The following DAB1 variants were observed in gnomAD, a reference collection of about 807,000 sequenced individuals.
DAB1 encodes disabled homolog 1.
DAB1 carries 15 observed loss-of-function variants against 64.6 expected under a neutral mutation model. The observed-to-expected ratio is 0.23, with a 90% CI of 0.16 to 0.36. DAB1 has a LOEUF of 0.36. DAB1 is among the 10% of genes least tolerant of loss of function. The pLI, the probability that DAB1 is intolerant of heterozygous loss-of-function variation, is 1.00. For missense variants in DAB1, 596 were observed against 706.7 expected, an observed-to-expected ratio of 0.84 and a Z score of 1.78; for synonymous variants, 235 against 251.9, an observed-to-expected ratio of 0.93 and a Z score of 0.64.
Position 57,238,740 on chromosome 1 carries a change from T to G in DAB1, c.67+52224A>C, listed in dbSNP as rs921223819. Among the ~76,000 whole-genome samples, 4 of 152,108 alleles carry G rather than the reference T, an allele frequency of 2.6e-5. No individual in the cohort carries two copies. In the East Asian group the frequency reaches 5.8e-4, roughly 22 times the overall value. ...AGAAATATAAGTGAACAACAATCCA[T>G]GTACAATGACTGGAAATAGTTCTAT... On this transcript the variant is annotated intron_variant, in intron 2 of 14. Transcript: ENST00000371236.
chr1:58,426,072 T>G (rs1644819353), intron 3 of DAB1, among the ~76,000 whole-genome samples: 1 of 152,170 alleles, frequency 6.6e-6, no homozygotes, highest in South Asian at 2.1e-4. Flanking sequence ...GCAAGGCACT[T>G]TGCCACATCT....
chr1:58,256,420 T>C (rs1660930791), intron 4 of DAB1, among the ~76,000 whole-genome samples: 1 of 152,208 alleles, frequency 6.6e-6, no homozygotes, highest in South Asian at 2.1e-4. Flanking sequence ...TATAGGCTTC[T>C]GGCAGAACTA....
At chr1:57,526,393 G>A (rs551001843) in intron 7 of DAB1, among the ~76,000 whole-genome samples, 1 of 152,310 alleles carries the variant, frequency 6.6e-6, no homozygotes, top group South Asian at 2.1e-4. Flanking sequence ...TGAAATATCT[G>A]AGAGGGCTGT....
chr1:57,439,668 C>G (rs573042448), intron 7 of DAB1, among the ~76,000 whole-genome samples: 2 of 143,136 alleles, frequency 1.4e-5, no homozygotes, highest in Admixed American at 6.8e-5. Flanking sequence ...ACCTCATGAT[C>G]TGCCTGCCTC....
intron 1 of DAB1, among the ~76,000 whole-genome samples, chr1:57,358,550 C>T (rs1437752412): frequency 6.6e-6 from 1 of 151,878 alleles, no homozygotes; most frequent in Non-Finnish European, 1.5e-5. Flanking sequence ...GTTAAAATGA[C>T]CATACTATCC....
chr1:57,434,165 T>C (rs955333774), intron 7 of DAB1, among the ~76,000 whole-genome samples: 2 of 152,124 alleles, frequency 1.3e-5, no homozygotes, highest in Admixed American at 1.3e-4. Flanking sequence ...AAATAAAACA[T>C]ATATACACAC....
chr1:57,510,746 A>G (rs1379074723), intron 7 of DAB1, among the ~76,000 whole-genome samples: 1 of 152,000 alleles, frequency 6.6e-6, no homozygotes, highest in Non-Finnish European at 1.5e-5. Context: ...ATCAAGCTCT[A>G]TTTGTTAAAC....
intron 2 of DAB1, among the ~76,000 whole-genome samples, chr1:57,203,480 G>C (rs554373625): frequency 1.5e-3 from 228 of 152,284 alleles, no homozygotes; most frequent in Admixed American, 3.7e-3. Context: ...GTGGCCCACA[G>C]ACTAGCTGCC....
intron 4 of DAB1, among the ~76,000 whole-genome samples, chr1:58,279,654 G>T (rs1336392291): frequency 6.6e-6 from 1 of 152,110 alleles, no homozygotes; most frequent in Non-Finnish European, 1.5e-5. Context: ...ACTGTACCAA[G>T]TCCCTTCAAG....
At chr1:57,644,989 C>T (rs966908568) in intron 7 of DAB1, among the ~76,000 whole-genome samples, 1 of 152,160 alleles carries the variant, frequency 6.6e-6, no homozygotes, top group Non-Finnish European at 1.5e-5. Flanking sequence ...TAAGCACACA[C>T]ATCTGGACAT....
chr1:57,193,377 A>ATTTTTTT (rs1491334278), intron 2 of DAB1, among the ~76,000 whole-genome samples: 1 of 81,790 alleles, frequency 1.2e-5, no homozygotes, highest in Non-Finnish European at 2.5e-5. Flanking sequence ...CATCCGTAGC[A>ATTTTTTT]TATGTTTTTT....
At chr1:57,293,292 CTG>C (rs1337481490) in intron 1 of DAB1, among the ~76,000 whole-genome samples, 36 of 152,200 alleles carry the variant, frequency 2.4e-4, no homozygotes, top group African/African-American at 8.4e-4. Flanking sequence ...GTTCTGATCT[CTG>C]TAGCAAAATA....
intron 5 of DAB1, among the ~76,000 whole-genome samples, chr1:58,035,724 G>A (rs924853639): frequency 6.6e-6 from 1 of 152,182 alleles, no homozygotes; most frequent in African/African-American, 2.4e-5. Context: ...GGAGTTGTGA[G>A]ATGTACAATC....
At chr1:57,621,525 A>T (rs1645859355) in intron 7 of DAB1, among the ~76,000 whole-genome samples, 1 of 151,808 alleles carries the variant, frequency 6.6e-6, no homozygotes, top group African/African-American at 2.4e-5. Context: ...GTTTGGGGGA[A>T]ACTGAGGTTG....
At chr1:57,822,043 T>G (rs1376716633), downstream of DAB1, among the ~76,000 whole-genome samples, 1 of 152,230 alleles carries the variant, frequency 6.6e-6, no homozygotes, top group African/African-American at 2.4e-5. Context: ...GCAGGCTTCC[T>G]TCAGGTGGCT....
intron 1 of DAB1, among the ~76,000 whole-genome samples, chr1:57,336,933 T>C (rs985135709): frequency 2.0e-5 from 3 of 151,628 alleles, no homozygotes; most frequent in Non-Finnish European, 4.4e-5. Context: ...AAAGGCAACC[T>C]CCTTCTACAC....
intron 4 of DAB1, among the ~76,000 whole-genome samples, chr1:58,280,722 A>G (rs1254371865): frequency 6.6e-6 from 1 of 152,180 alleles, no homozygotes; most frequent in African/African-American, 2.4e-5. Context: ...AAGGAGGAGG[A>G]GGAGGAGGCC....
intron 3 of DAB1, among the ~76,000 whole-genome samples, chr1:57,143,149 C>CT (rs1658775760): frequency 6.6e-6 from 1 of 152,170 alleles, no homozygotes; most frequent in Non-Finnish European, 1.5e-5. Flanking sequence ...CTCATCTGAT[C>CT]TCATGCACGA....
chr1:57,472,740 C>T (rs569426516), intron 7 of DAB1, among the ~76,000 whole-genome samples: 22 of 152,204 alleles, frequency 1.4e-4, no homozygotes, highest in African/African-American at 5.1e-4. Flanking sequence ...GGAGTCTTGC[C>T]GATGCCCCCA....
Sources: allele counts gnomAD v4.1 joint callset (sites outside exome capture counted in the v4.1 genomes callset), GRCh38; gene constraint gnomAD v4.1.1; transcripts MANE v1.5; gene names NCBI Gene and HGNC (gene_info 2026-07-23, HGNC 2026-07-21).